Variants in SEC24B observed in about 807,000 individuals in gnomAD.
SEC24B encodes SEC24 homolog B, COPII component, also known as protein transport protein Sec24B.
In SEC24B, 45 loss-of-function variants were observed where a neutral mutation model predicts 142.8. That is an observed-to-expected ratio of 0.32 (90% confidence interval 0.25 to 0.40). The LOEUF is 0.40. SEC24B is among the 10% of genes least tolerant of loss of function. The probability of loss-of-function intolerance (pLI) is 1.00; values close to 1 mark genes in which losing one functional copy is unlikely to be tolerated. For missense variants in SEC24B, 1,409 were observed against 1,526.8 expected, an observed-to-expected ratio of 0.92 and a Z score of 1.29; for synonymous variants, 574 against 568.2, an observed-to-expected ratio of 1.01 and a Z score of -0.15.
chr4:109,532,511 A>AT (rs1221910758), intron 20 of SEC24B, 128 bp from the exon 21 acceptor site: 9 of 675,770 alleles, frequency 1.3e-5, no homozygotes, highest in African/African-American at 8.9e-5. Context: ...TATAATCAGT[A>AT]TTTTTTATAT....
chr4:109,491,797 G>A (rs1735046630), intron 5 of SEC24B, among the ~76,000 whole-genome samples: 1 of 152,002 alleles, frequency 6.6e-6, no homozygotes, highest in African/African-American at 2.4e-5. Flanking sequence ...CTCCCTCAAT[G>A]GCTTCTGGCT....
At chr4:109,526,550 CT>C (rs1238166606) in intron 17 of SEC24B, 151 bp downstream of exon 17, 4 of 522,202 alleles carry the variant, frequency 7.7e-6, no homozygotes, top group African/African-American at 2.0e-5. Context: ...TATTTTCTTT[CT>C]TTTTTTAACT....
At position 109,489,762 on chromosome 4, in the gene SEC24B, G is replaced by A. The variant is rs58417469; in HGVS notation, c.1166-1565G>A. Among the ~76,000 whole-genome samples the A allele has an allele frequency of 4.8e-3, 721 of 150,740 alleles. 13 individuals are homozygous for A. The highest frequency in any genetic ancestry group is 0.016 in the African/African-American group (658 of 41,192). On this transcript the variant is annotated intron_variant, in intron 4 of 23. Transcript: ENST00000265175. ...TTTCAGGTTTCATTCACATTGTAGC[G>A]TGTATCCATACTTCATTTTTATGGC...
At chr4:109,489,488 G>A (rs1359793624) in intron 4 of SEC24B, among the ~76,000 whole-genome samples, 1 of 146,276 alleles carries the variant, frequency 6.8e-6, no homozygotes, top group Non-Finnish European at 1.5e-5. Flanking sequence ...CTTCTATTTA[G>A]CTCTATCTAA....
At chr4:109,509,314 G>A (rs377409311) in intron 7 of SEC24B, among the ~76,000 whole-genome samples, 24 of 152,280 alleles carry the variant, frequency 1.6e-4, no homozygotes, top group African/African-American at 2.9e-4. Context: ...CTGGCTTTCA[G>A]TACTTCTGCT....
intron 1 of SEC24B, among the ~76,000 whole-genome samples, chr4:109,456,790 A>G (rs758643054): frequency 6.6e-5 from 10 of 152,132 alleles, no homozygotes; most frequent in African/African-American, 1.7e-4. Flanking sequence ...GTTGTTTTCT[A>G]TTTGCTGAAG....
intron 1 of SEC24B, among the ~76,000 whole-genome samples, chr4:109,441,706 G>A (rs1003315972): frequency 3.2e-5 from 4 of 123,500 alleles, no homozygotes; most frequent in Admixed American, 2.2e-4. Context: ...GCCACCATGT[G>A]TGGCCTTGGT....
chr4:109,506,953 T>C (rs1452038109), intron 7 of SEC24B, among the ~76,000 whole-genome samples: 2 of 152,162 alleles, frequency 1.3e-5, no homozygotes, highest in Admixed American at 6.5e-5. Context: ...GAATTTTCTT[T>C]TCCCACTCAA....
At position 109,513,816 on chromosome 4, in the gene SEC24B, A is replaced by C. The variant is rs1436547020; in HGVS notation, c.1973A>C (p.Gln658Pro). 4.3e-6 allele frequency: 7 copies of C among 1,612,890 alleles called. No individual in the cohort carries two copies. The highest frequency in any genetic ancestry group is 4.0e-5 in the African/African-American group (3 of 74,920). ...YGEPHKRPEVQNSTVEFIASS... is the reference protein window; with the variant it reads ...YGEPHKRPEVPNSTVEFIASS... Reference sequence around the variant, plus strand: ...GAGCCTCATAAACGACCAGAAGTTCAGAATTCAACTGTGGAGTTCATTGCT... The same window carrying C: ...GAGCCTCATAAACGACCAGAAGTTCCGAATTCAACTGTGGAGTTCATTGCT... Residue 658 changes from glutamine to proline, a missense_variant, in exon 10 of 24, where the codon CAG becomes CCG. Physicochemically the swap from Gln to Pro is moderately conservative, Grantham distance 76. Around this residue, in one of 2 missense-constraint regions of SEC24B, gnomAD observed 700 missense variants for 853.3 expected, o/e 0.82. Transcript: ENST00000265175.
intron 20 of SEC24B, 46 bp downstream of exon 20, chr4:109,531,568 G>T: frequency 7.0e-7 from 1 of 1,434,628 alleles, no homozygotes. Flanking sequence ...GAATATATTT[G>T]AGTGTCTTGT....
intron 22 of SEC24B, among the ~76,000 whole-genome samples, chr4:109,536,624 G>A (rs960386731): frequency 9.2e-5 from 14 of 152,078 alleles, no homozygotes; most frequent in Non-Finnish European, 2.1e-4. Flanking sequence ...CTGCCTCCCG[G>A]GTTCGCGCCA....
At position 109,533,594 on chromosome 4, in the gene SEC24B, T is replaced by A; in HGVS notation, c.3497T>A (p.Val1166Asp). 6.2e-7 allele frequency: 1 copy of A among 1,604,594 alleles called. No individual in the cohort carries two copies. The highest frequency in any genetic ancestry group is 1.7e-5 in the Admixed American group (1 of 59,440). The stretch of plus-strand genomic sequence containing the variant: ...TATTTTGTTGCTTTTTCTTTTTAGG[T>A]TTTTTACATTTGGGTTGGGAAAGGC... ...EGAFLMDCGSVFYIWVGKGCD... is the reference protein window; with the variant it reads ...EGAFLMDCGSDFYIWVGKGCD... The change falls in exon 22 of 24, where the codon GTT becomes GAT. Residue 1166 changes from valine to aspartate, a missense_variant and splice_region_variant. By Grantham distance (152) the Val-to-Asp change is radical (BLOSUM62 -3). This residue lies in a region of SEC24B where 700 missense variants were observed against 853.3 expected (regional missense o/e 0.82). Transcript: ENST00000265175.
intron 2 of SEC24B, among the ~76,000 whole-genome samples, chr4:109,468,835 C>T (rs1732223218): frequency 6.6e-6 from 1 of 152,146 alleles, no homozygotes; most frequent in African/African-American, 2.4e-5. Context: ...CTAATCGCTC[C>T]TAGTTTCTAA....
At chr4:109,484,773 A>C (rs545493388) in intron 4 of SEC24B, among the ~76,000 whole-genome samples, 1 of 150,100 alleles carries the variant, frequency 6.7e-6, no homozygotes, top group East Asian at 2.0e-4. Context: ...AATTGCTTGA[A>C]CCTGGGAGGC....
intron 22 of SEC24B, among the ~76,000 whole-genome samples, chr4:109,535,539 G>C (rs923845511): frequency 1.2e-4 from 18 of 150,560 alleles, no homozygotes; most frequent in African/African-American, 3.4e-4. Context: ...CTGGACGACA[G>C]AGCAAGACTC....
At chr4:109,502,034 G>A (rs1017524844) in intron 6 of SEC24B, among the ~76,000 whole-genome samples, 2 of 152,214 alleles carry the variant, frequency 1.3e-5, no homozygotes, top group Admixed American at 1.3e-4. Flanking sequence ...ATGTGGAGTA[G>A]GTGGTCAGAT....
chr4:109,530,023 C>G (rs962003902), intron 18 of SEC24B, among the ~76,000 whole-genome samples: 1 of 152,168 alleles, frequency 6.6e-6, no homozygotes, highest in Non-Finnish European at 1.5e-5. Flanking sequence ...CATGAGCCAC[C>G]ATGTCCAGCC....
At chr4:109,483,696 A>T (rs912006261) in intron 4 of SEC24B, among the ~76,000 whole-genome samples, 3 of 152,236 alleles carry the variant, frequency 2.0e-5, no homozygotes, top group Non-Finnish European at 2.9e-5. Context: ...TATTTAAATC[A>T]TTATATGCGA....
chr4:109,452,478 A>T (rs141895229), intron 1 of SEC24B, among the ~76,000 whole-genome samples: 1 of 152,232 alleles, frequency 6.6e-6, no homozygotes, highest in Non-Finnish European at 1.5e-5. Flanking sequence ...ATATATACTT[A>T]AGTTTATAAC....
Sources: gnomAD v4.1 joint callset for allele counts (sites outside exome capture counted in the v4.1 genomes callset) on GRCh38, gnomAD v4.1.1 for gene constraint, gnomAD v4.1.1 regional missense constraint, MANE v1.5 for transcripts, NCBI Gene and HGNC (gene_info 2026-07-23, HGNC 2026-07-21) for gene names.